The following WDFY3 variants were observed in gnomAD, a reference collection of about 807,000 sequenced individuals.
The protein encoded by WDFY3 is WD repeat and FYVE domain containing 3.
In WDFY3, 66 loss-of-function variants were observed where a neutral mutation model predicts 409.6. That is an observed-to-expected ratio of 0.16 (90% CI 0.13 to 0.20). The LOEUF is 0.20. Ranked by LOEUF, WDFY3 falls within the 10% of genes least tolerant of loss-of-function variation. The pLI is 1.00. For missense variants in WDFY3, 3,031 were observed against 4,298.1 expected (o/e 0.71, Z 8.24); for synonymous variants, 1,521 against 1,537.1 (o/e 0.99, Z 0.25).
chr4:84,682,186 G>A (rs1483273058), intron 64 of WDFY3, among the ~76,000 whole-genome samples, 188 bp downstream of exon 64: 2 of 152,200 alleles, frequency 1.3e-5, no homozygotes, highest in Admixed American at 6.5e-5. Flanking sequence ...TACACTGAAT[G>A]TTGCCCAGTG....
At chr4:84,826,097 C>G (rs1299936543) in intron 10 of WDFY3, among the ~76,000 whole-genome samples, 1 of 152,076 alleles carries the variant, frequency 6.6e-6, no homozygotes, top group Non-Finnish European at 1.5e-5. Flanking sequence ...ATACTTCATG[C>G]TGTCCATAGT....
At chr4:84,937,478 G>A (rs568207511) in intron 1 of WDFY3, among the ~76,000 whole-genome samples, 16 of 151,984 alleles carry the variant, frequency 1.1e-4, no homozygotes, top group Non-Finnish European at 1.6e-4. Context: ...ACCACTTCTC[G>A]CCACTTGCAT....
intron 36 of WDFY3, among the ~76,000 whole-genome samples, chr4:84,744,852 C>CAAA (rs1165273561): frequency 5.1e-3 from 81 of 15,738 alleles, no homozygotes; most frequent in Non-Finnish European, 6.5e-3. Flanking sequence ...GACTCCGTCT[C>CAAA]AAAAAAAAAA....
intron 51 of WDFY3, among the ~76,000 whole-genome samples, chr4:84,711,574 C>A (rs1012470260): frequency 6.6e-6 from 1 of 152,010 alleles, no homozygotes; most frequent in Non-Finnish European, 1.5e-5. Context: ...ATATACAGGC[C>A]AGGCGCAGGG....
At chr4:84,925,454 A>G (rs866996053) in intron 2 of WDFY3, among the ~76,000 whole-genome samples, 7 of 152,212 alleles carry the variant, frequency 4.6e-5, no homozygotes, top group Admixed American at 1.3e-4. Context: ...GACTCTTCAA[A>G]AAGTCAGTAT....
chr4:84,810,191 C>A lies in WDFY3; in HGVS notation c.2041G>T (p.Val681Leu). 1 of 1,614,136 alleles carries A rather than the reference C, an allele frequency of 6.2e-7. No homozygotes were observed. Among genetic ancestry groups the A allele is most frequent in the Non-Finnish European group, 8.5e-7 (1 of 1,179,996 alleles). The change falls in exon 14 of 68, where the codon GTG (valine) becomes TTG (leucine). Residue 681 changes from valine to leucine, a missense_variant. Around this residue, in one of 16 missense-constraint regions of WDFY3, gnomAD observed 1,322 missense variants for 1,697.9 expected, o/e 0.78. Coordinates refer to ENST00000295888, the MANE Select transcript of WDFY3 (RefSeq NM_014991.6). ...AACACAGTGTGAAGAAGTTCAAACA[C>A]TTGATTCTGGTTCACTTTCTCCCAG... is the stretch of plus-strand genomic sequence containing the variant. Reference protein sequence around the residue: ...NGWEKVNQNQVFELLHTVFCT... With the variant: ...NGWEKVNQNQLFELLHTVFCT...
chr4:84,847,802 CA>C (rs1216270148), intron 5 of WDFY3, among the ~76,000 whole-genome samples: 7 of 100,082 alleles, frequency 7.0e-5, no homozygotes, highest in East Asian at 2.8e-4. Flanking sequence ...AAAAAAAAAA[CA>C]AAAAAAAACA....
intron 62 of WDFY3, among the ~76,000 whole-genome samples, chr4:84,686,121 C>T (rs182176592): frequency 1.7e-3 from 265 of 152,138 alleles, no homozygotes; most frequent in Middle Eastern, 6.8e-3. Flanking sequence ...TTCGCTAACA[C>T]GGTGAAACCC....
intron 3 of WDFY3, among the ~76,000 whole-genome samples, chr4:84,872,527 G>A (rs1762264662): frequency 6.6e-6 from 1 of 151,404 alleles, no homozygotes; most frequent in Admixed American, 6.6e-5. Flanking sequence ...AGAAAATGCT[G>A]TTAAAACCTG....
At chr4:84,803,760 A>G (rs2149673735) in intron 15 of WDFY3, 1 of 211,474 alleles carries the variant, frequency 4.7e-6, no homozygotes, top group South Asian at 1.0e-4. Context: ...CTGTACCACA[A>G]GATGTAAAGA....
chr4:84,819,935 C>T (rs1753824470), intron 12 of WDFY3, 150 bp downstream of exon 12: 2 of 593,668 alleles, frequency 3.4e-6, no homozygotes, highest in Admixed American at 3.0e-5. Flanking sequence ...TGGTCAAAAG[C>T]ACTGCATTTT....
intron 21 of WDFY3, among the ~76,000 whole-genome samples, chr4:84,791,037 G>C (rs1379377381): frequency 6.6e-6 from 1 of 152,120 alleles, no homozygotes; most frequent in African/African-American, 2.4e-5. Flanking sequence ...AGCTGCTATG[G>C]AAAACAGTAC....
At chr4:84,838,243 C>A (rs979290211) in intron 6 of WDFY3, among the ~76,000 whole-genome samples, 1 of 152,148 alleles carries the variant, frequency 6.6e-6, no homozygotes, top group African/African-American at 2.4e-5. Context: ...TTACATACAT[C>A]ATCTCACCTA....
At chr4:84,682,720 G>A (rs1370958567) in intron 63 of WDFY3, 3 of 410,456 alleles carry the variant, frequency 7.3e-6, no homozygotes, top group Non-Finnish European at 1.3e-5. Flanking sequence ...GTGTAGTGCT[G>A]CCTATAATCC....
In WDFY3 at chr4:84,787,625, G is replaced by T; in HGVS notation, c.3758C>A (p.Pro1253His). 1.2e-6 allele frequency: 2 copies of T among 1,614,192 alleles called. No individual in the cohort carries two copies. The highest frequency in any genetic ancestry group is 1.7e-6 in the Non-Finnish European group (2 of 1,180,036). Residue 1253 changes from proline to histidine, a missense_variant, in exon 23 of 68, where the codon CCT becomes CAT. This residue lies in a region of WDFY3 where 1,322 missense variants were observed against 1,697.9 expected (regional missense o/e 0.78). Transcript: ENST00000295888. ...CAATGAGGCAATTTGGCGTTGGGCA[G>T]GTGGAGTACCAATGTAGGCATAGAC... ...STVYAYIGTP[P>H]AQRQIASLVW... is the part of the protein sequence containing the mutation.
rs918533005 is a variant in WDFY3 at position 84,737,920 on chromosome 4, A to G, written c.6575-554T>C. On this transcript the variant is annotated intron_variant, in intron 40 of 67. Transcript: ENST00000295888. ...CTCAGGGTTTCTGATTCAGTAGGTC[A>G]GAGTAGGGCAACAGAATCTGCTTTT... is the stretch of plus-strand genomic sequence containing the variant. Among the ~76,000 whole-genome samples the G allele has an allele frequency of 2.0e-5, 3 of 152,140 alleles. No individual in the cohort carries two copies. The East Asian group carries it at 5.8e-4, about 29-fold the overall frequency.
intron 10 of WDFY3, among the ~76,000 whole-genome samples, chr4:84,826,112 C>T (rs930958656): frequency 2.0e-5 from 3 of 151,882 alleles, no homozygotes; most frequent in Non-Finnish European, 4.4e-5. Context: ...CATAGTCAGC[C>T]GCTGTATCCA....
chr4:84,952,164 T>C (rs1450493254), intron 1 of WDFY3, among the ~76,000 whole-genome samples: 1 of 152,150 alleles, frequency 6.6e-6, no homozygotes, highest in Non-Finnish European at 1.5e-5. Flanking sequence ...TGCCATGTCT[T>C]GACAGGCTTC....
intron 56 of WDFY3, among the ~76,000 whole-genome samples, chr4:84,699,608 C>T (rs1730750052): frequency 6.6e-6 from 1 of 152,114 alleles, no homozygotes; most frequent in Non-Finnish European, 1.5e-5. Context: ...TTCTGTTTAA[C>T]TTTTTGAGGA....
Sources: allele counts gnomAD v4.1 joint callset (sites outside exome capture counted in the v4.1 genomes callset), GRCh38; gene constraint gnomAD v4.1.1; regional missense constraint gnomAD v4.1.1; transcripts MANE v1.5; gene names NCBI Gene and HGNC (gene_info 2026-07-23, HGNC 2026-07-21).